PHRF1: variants seen among roughly 807,000 people sequenced by gnomAD.
The protein encoded by PHRF1 is PHD and ring finger domains 1, also known as PHD and RING finger domain-containing protein 1.
Under a neutral mutation model 128.9 loss-of-function variants are expected in PHRF1, and 53 were observed. The ratio of observed to expected loss-of-function variants is 0.41; its 90% CI spans 0.33 to 0.52. The LOEUF (loss-of-function observed/expected upper bound fraction) is 0.52. Ranked by LOEUF, PHRF1 falls within the 20% of genes least tolerant of loss-of-function variation. The pLI is 0.21. For synonymous variants in PHRF1, 1,178 were observed against 980.6 expected, an observed-to-expected ratio of 1.20 and a Z score of -3.76; for missense variants, 2,503 against 2,284.5, an observed-to-expected ratio of 1.10 and a Z score of -1.95.
intron 3 of PHRF1, among the ~76,000 whole-genome samples, chr11:584,729 CTTTTTTTTTTTTT>C (rs869125196): frequency 3.3e-5 from 3 of 90,310 alleles, no homozygotes; most frequent in African/African-American, 4.8e-5. Context: ...TCTCCAGGAC[CTTTTTTTTTTTTT>C]TTTTTTTTTT....
chr11:589,860 C>T (rs1438777038), intron 4 of PHRF1, among the ~76,000 whole-genome samples: 13 of 147,990 alleles, frequency 8.8e-5, no homozygotes, highest in East Asian at 4.1e-4. Context: ...GGGCACGGAG[C>T]GTGCGGGGCT....
rs1328858019 is a variant in PHRF1 at position 611,836 on chromosome 11, A to G, written c.*59A>G. 3 of 1,531,818 alleles carry G rather than the reference A, an allele frequency of 2.0e-6. No individual in the cohort carries two copies. Among genetic ancestry groups the G allele is most frequent in the Middle Eastern group, 2.0e-4 (1 of 4,884 alleles). 94.9% of individuals were successfully genotyped at this position (1,531,818 alleles called of 1,614,324 possible). ...GTCGGGAGTGGCGGGAATCGGGGCC[A>G]TGCCCGGGGAGCTGTCGGGAGTGGC... On this transcript the variant is annotated 3_prime_UTR_variant, in exon 18 of 18. Transcript: ENST00000264555.
chr11:608,414 G>C lies in PHRF1; in HGVS notation c.2958G>C (p.Glu986Asp), dbSNP rs1344161223. 1 of 1,611,494 alleles carries C rather than the reference G, an allele frequency of 6.2e-7. No individual in the cohort carries two copies. Among genetic ancestry groups the C allele is most frequent in the South Asian group, 1.1e-5 (1 of 90,938 alleles). Residue 986 changes from glutamate to aspartate, a missense_variant, in exon 14 of 18, where the codon GAG becomes GAC. Coordinates refer to ENST00000264555, the MANE Select transcript of PHRF1 (RefSeq NM_001286581.2). ...VLQAATHRVVELRPPSRSRST... is the reference protein window; with the variant it reads ...VLQAATHRVVDLRPPSRSRST... ...AGGCTGCCACCCACAGAGTCGTGGA[G>C]CTCAGGCCCCCTTCCCGGTCCCGCT...
rs1856435466 is a variant in PHRF1 at position 611,988 on chromosome 11, G to A, written c.*211G>A. 4 of 693,432 alleles carry A rather than the reference G, an allele frequency of 5.8e-6. No homozygotes were observed. The highest frequency in any genetic ancestry group is 9.4e-6 in the Non-Finnish European group (4 of 425,340). The allele number at this position is 693,432 out of a possible 1,614,324, so 43.0% of individuals were successfully genotyped here. ...CCTGTGTTGCTCACAGTTGAAAACT[G>A]GACACTTTTGTATGTATATTATAGA... On this transcript the variant is annotated 3_prime_UTR_variant, in exon 18 of 18. Coordinates refer to ENST00000264555, the MANE Select transcript of PHRF1 (RefSeq NM_001286581.2).
intron 1 of PHRF1, among the ~76,000 whole-genome samples, chr11:579,222 C>T (rs957460061): frequency 2.0e-5 from 3 of 150,890 alleles, no homozygotes; most frequent in South Asian, 2.1e-4. Flanking sequence ...CCTGGGACTC[C>T]CCCAGCCCTG....
Position 608,861 on chromosome 11 carries a change from C to A in PHRF1, c.3405C>A (p.His1135Gln). The A allele has an allele frequency of 6.2e-7, 1 of 1,612,380 alleles. No individual in the cohort carries two copies. The highest frequency in any genetic ancestry group is 8.5e-7 in the Non-Finnish European group (1 of 1,179,820). ...GCAGCCTGGAGAGGCTCTGCAGGCACAAGCATCAGCGGGAACGCAGCCACG... is the reference window on the plus strand; with the variant it reads ...GCAGCCTGGAGAGGCTCTGCAGGCAAAAGCATCAGCGGGAACGCAGCCACG... Reference protein sequence around the residue: ...PTSSLERLCRHKHQRERSHER... With the variant: ...PTSSLERLCRQKHQRERSHER... The change falls in exon 14 of 18, where the codon CAC becomes CAA. Residue 1135 changes from histidine to glutamine, a missense_variant. His to Gln is a conservative substitution (Grantham distance 24). Coordinates refer to ENST00000264555, the MANE Select transcript of PHRF1 (RefSeq NM_001286581.2).
intron 1 of PHRF1, among the ~76,000 whole-genome samples, chr11:580,849 T>C (rs1450647904): frequency 6.6e-6 from 1 of 152,110 alleles, no homozygotes; most frequent in Non-Finnish European, 1.5e-5. Flanking sequence ...CCACCACGCC[T>C]GGCTAATTTT....
At chr11:578,444 G>A (rs1006663979) in intron 1 of PHRF1, among the ~76,000 whole-genome samples, 1 of 152,166 alleles carries the variant, frequency 6.6e-6, no homozygotes, top group African/African-American at 2.4e-5. Flanking sequence ...GACTCGCAAA[G>A]TTCAGCCTCA....
chr11:584,798 C>T (rs1020163691), intron 3 of PHRF1, among the ~76,000 whole-genome samples: 49 of 132,074 alleles, frequency 3.7e-4, no homozygotes, highest in Admixed American at 1.0e-3. Context: ...AGTGTAGTGG[C>T]GCAATCTCGG....
At chr11:589,303 C>T (rs1012319169) in intron 4 of PHRF1, among the ~76,000 whole-genome samples, 1 of 152,084 alleles carries the variant, frequency 6.6e-6, no homozygotes, top group African/African-American at 2.4e-5. Flanking sequence ...GAAGCAAGGC[C>T]CCTTCCCTTT....
In PHRF1 at chr11:605,705, G is replaced by T. The variant is rs749704896; in HGVS notation, c.1435G>T (p.Val479Phe). The T allele has an allele frequency of 6.2e-7, 1 of 1,611,718 alleles. No individual in the cohort carries two copies. The highest frequency in any genetic ancestry group is 2.2e-5 in the East Asian group (1 of 44,884). The change falls in exon 12 of 18, where the codon GTC (valine) becomes TTC (phenylalanine). Residue 479 changes from valine (V) to phenylalanine (F), a missense_variant. Transcript: ENST00000264555. Reference sequence around the variant, plus strand: ...GTCCCACCAGCCCGTGGCCAGGCCCGTCTCCGTGGGGCTTTCCAGGTGTGT... The same window carrying T: ...GTCCCACCAGCCCGTGGCCAGGCCCTTCTCCGTGGGGCTTTCCAGGTGTGT... ...LQSHQPVARP[V>F]SVGLSRRRLP... is the part of the protein sequence containing the mutation.
At chr11:603,558 C>T (rs1327128246) in intron 10 of PHRF1, among the ~76,000 whole-genome samples, 1 of 151,894 alleles carries the variant, frequency 6.6e-6, no homozygotes, top group African/African-American at 2.4e-5. Context: ...TGGTCTTGAA[C>T]TCCTAGGCTC....
Position 608,688 on chromosome 11 carries a change from A to G in PHRF1, c.3232A>G (p.Arg1078Gly), listed in dbSNP as rs763043804. Residue 1078 changes from arginine (R) to glycine (G), a missense_variant, in exon 14 of 18, where the codon AGG (arginine) becomes GGG (glycine). Arg to Gly is a moderately radical substitution (Grantham distance 125). Transcript: ENST00000264555. ...KKAKDKSREHRRGPWGHSRRT... is the reference protein window; with the variant it reads ...KKAKDKSREHGRGPWGHSRRT... The stretch of plus-strand genomic sequence containing the variant: ...AGCCAAGGACAAGAGCAGGGAGCAC[A>G]GGCGGGGCCCCTGGGGCCACAGCCG... The G allele has an allele frequency of 5.0e-6, 8 of 1,611,988 alleles. No individual in the cohort carries two copies. Among genetic ancestry groups the G allele is most frequent in the Non-Finnish European group, 6.8e-6 (8 of 1,179,662 alleles).
intron 10 of PHRF1, among the ~76,000 whole-genome samples, chr11:604,793 T>G (rs374559573): frequency 6.6e-6 from 1 of 152,226 alleles, no homozygotes; most frequent in Non-Finnish European, 1.5e-5. Context: ...ATTACAGATG[T>G]GAGCCATCAA....
chr11:582,864 C>T (rs2134182278), intron 3 of PHRF1, among the ~76,000 whole-genome samples: 2 of 151,352 alleles, frequency 1.3e-5, no homozygotes, highest in South Asian at 4.2e-4. Context: ...GAAACCCCCT[C>T]TCTACTACAA....
chr11:589,618 C>G (rs1564844813), intron 4 of PHRF1, among the ~76,000 whole-genome samples: 1 of 152,244 alleles, frequency 6.6e-6, no homozygotes, highest in Non-Finnish European at 1.5e-5. Flanking sequence ...CTGGGGGCTG[C>G]TCACAGCACA....
intron 12 of PHRF1, 125 bp downstream of exon 12, chr11:605,849 GCTGTCATGCT>G: frequency 7.2e-7 from 1 of 1,397,708 alleles, no homozygotes; most frequent in South Asian, 1.5e-5. Context: ...CCTCCCCTCA[GCTGTCATGCT>G]CATCAGTCGG....
intron 3 of PHRF1, among the ~76,000 whole-genome samples, chr11:585,441 C>G (rs61877832): frequency 2.6e-5 from 1 of 38,962 alleles, no homozygotes; most frequent in African/African-American, 1.0e-4. Flanking sequence ...AGGTAGTAGC[C>G]CTTTCCAGCT....
intron 1 of PHRF1, among the ~76,000 whole-genome samples, chr11:577,635 C>T (rs1400403527): frequency 6.6e-6 from 1 of 152,248 alleles, no homozygotes; most frequent in East Asian, 1.9e-4. Context: ...GACTTTTTGA[C>T]TTCCATTGCA....
Sources: gnomAD v4.1 joint callset for allele counts (sites outside exome capture counted in the v4.1 genomes callset) on GRCh38, gnomAD v4.1.1 for gene constraint, MANE v1.5 for transcripts, NCBI Gene and HGNC (gene_info 2026-07-23, HGNC 2026-07-21) for gene names.